CHD1L: variants seen among roughly 807,000 people sequenced by gnomAD.
CHD1L encodes the protein chromodomain helicase DNA binding protein 1 like, also known as ATP-dependent chromatin remodeler CHD1L.
Under a neutral mutation model 115.9 loss-of-function variants are expected in CHD1L, and 118 were observed. That is an observed-to-expected ratio of 1.02 (90% confidence interval 0.88 to 1.19). The LOEUF is 1.19. CHD1L is among the 50% of genes most tolerant of loss of function. The probability of loss-of-function intolerance (pLI) is 0.00; values close to 1 mark genes in which losing one functional copy is unlikely to be tolerated. For synonymous variants in CHD1L, 411 were observed against 387.1 expected (o/e 1.06, Z -0.72); for missense variants, 1,179 against 1,065.3 (o/e 1.11, Z -1.49).
At chr1:147,203,811 T>C in the CHD1L span, 1 of 1,551,108 alleles carries the variant, frequency 6.4e-7, no homozygotes. Context: ...CGAAGTACTA[T>C]GGTAGAAATG....
chr1:147,284,232 G>T, intron 15 of CHD1L, 119 bp from the exon 16 acceptor site: 3 of 760,394 alleles, frequency 3.9e-6, no homozygotes, highest in South Asian at 2.1e-5. Context: ...CCTTCATATG[G>T]ACTTAGCCCA....
intron 6 of CHD1L, chr1:147,260,264 T>C (rs923672599): frequency 5.9e-6 from 1 of 168,600 alleles, no homozygotes; most frequent in African/African-American, 2.4e-5. Flanking sequence ...TGTTATAGTA[T>C]CATACAGAGT....
chr1:147,260,774 A>T (rs1329316313), intron 6 of CHD1L: 2 of 152,156 alleles, frequency 1.3e-5, no homozygotes, highest in African/African-American at 4.8e-5. Flanking sequence ...AGCATAATAC[A>T]CTTGCTTTCA....
At chr1:147,186,687 G>A in the CHD1L span, 276 of 1,382,424 alleles carry the variant, frequency 2.0e-4, no homozygotes, top group Non-Finnish European at 2.4e-4. Flanking sequence ...TTACCACAAG[G>A]AAGAGTGACG....
upstream of CHD1L, among the ~76,000 whole-genome samples, chr1:147,239,078 T>C (rs1664683328): frequency 6.6e-6 from 1 of 152,200 alleles, no homozygotes; most frequent in African/African-American, 2.4e-5. Flanking sequence ...CCCACGTCTA[T>C]CAGTTTGTAA....
chr1:147,276,099 T>C lies in CHD1L; in HGVS notation c.1386-5T>C. 4 of 1,614,022 alleles carry C rather than the reference T, an allele frequency of 2.5e-6. No individual in the cohort carries two copies. Among genetic ancestry groups the C allele is most frequent in the Non-Finnish European group, 3.4e-6 (4 of 1,179,926 alleles). ...GCACACTACCCTTGTTTGACTTATG[T>C]CCAGGTCTGTTAAAGTTATTCGGCT... On this transcript the variant is annotated splice_region_variant and splice_polypyrimidine_tract_variant and intron_variant, in intron 13 of 22. Coordinates refer to ENST00000369258, the MANE Select transcript of CHD1L (RefSeq NM_004284.6).
chr1:147,285,823 A>C (rs1553965199), intron 17 of CHD1L, among the ~76,000 whole-genome samples: 1 of 152,006 alleles, frequency 6.6e-6, no homozygotes, highest in East Asian at 1.9e-4. Flanking sequence ...TAACCTCCCT[A>C]GTAGCTGGGA....
intron 4 of CHD1L, 97 bp from the exon 5 acceptor site, chr1:147,256,434 T>C: frequency 9.3e-7 from 1 of 1,079,348 alleles, no homozygotes; most frequent in Non-Finnish European, 1.4e-6. Context: ...GAGACTTAGA[T>C]AAATCCTATA....
In CHD1L at chr1:147,242,838, G is replaced by A. The variant is rs1559707836; in HGVS notation, c.127+8G>A. The A allele has an allele frequency of 1.6e-6, 2 of 1,274,230 alleles. No individual in the cohort carries two copies. The highest frequency in any genetic ancestry group is 2.0e-6 in the Non-Finnish European group (2 of 1,003,624). 78.9% of individuals were successfully genotyped at this position (1,274,230 alleles called of 1,614,324 possible). On this transcript the variant is annotated splice_region_variant and intron_variant, in intron 1 of 22. Coordinates refer to ENST00000369258, the MANE Select transcript of CHD1L (RefSeq NM_004284.6). ...GGCAGTGGGGGCTGACAGGTGAGCG[G>A]GCTCCGGGCGGACTTCGGCCAGGCG...
At chr1:147,242,598 C>G, upstream of CHD1L, 2 of 1,147,642 alleles carry the variant, frequency 1.7e-6, no homozygotes, top group Non-Finnish European at 1.1e-6. Flanking sequence ...CTGGCGGCGC[C>G]TCGCTCGTAG....
intron 12 of CHD1L, among the ~76,000 whole-genome samples, chr1:147,275,061 T>TA (rs1219616070): frequency 3.3e-5 from 5 of 152,194 alleles, no homozygotes; most frequent in African/African-American, 9.6e-5. Context: ...GCAGAAGAGA[T>TA]AAAGTGGCTC....
At chr1:147,234,678 G>A in the CHD1L span, among the ~76,000 whole-genome samples, 1 of 152,048 alleles carries the variant, frequency 6.6e-6, no homozygotes, top group Non-Finnish European at 1.5e-5. Flanking sequence ...TATATTTATG[G>A]AGTAATAGTG....
chr1:147,235,087 CTGTGTGTGTG>C, the CHD1L span, among the ~76,000 whole-genome samples: 2 of 146,176 alleles, frequency 1.4e-5, no homozygotes, highest in East Asian at 2.1e-4. Flanking sequence ...ATATCCCACA[CTGTGTGTGTG>C]TGTGTGTGTG....
chr1:147,215,486 T>C, the CHD1L span: 3 of 399,652 alleles, frequency 7.5e-6, no homozygotes, highest in African/African-American at 6.2e-5. Context: ...CATCTGTTTA[T>C]TGCAATCAAA....
At chr1:147,224,099 A>T in the CHD1L span, 1 of 369,538 alleles carries the variant, frequency 2.7e-6, no homozygotes, top group Non-Finnish European at 5.3e-6. Context: ...CCCTTACTGC[A>T]TTATCAAGGG....
the CHD1L span, among the ~76,000 whole-genome samples, chr1:147,193,130 A>T: frequency 1.3e-5 from 2 of 152,082 alleles, no homozygotes; most frequent in Non-Finnish European, 2.9e-5. Context: ...CTGTGAATCC[A>T]TCTGGTCCTG....
intron 20 of CHD1L, 119 bp downstream of exon 20, chr1:147,291,671 C>G (rs1685587014): frequency 2.7e-6 from 2 of 739,618 alleles, no homozygotes; most frequent in Non-Finnish European, 4.8e-6. Context: ...GCTGCCATAA[C>G]AAAAAGACAC....
the CHD1L span, chr1:147,178,957 A>C: frequency 3.7e-6 from 6 of 1,612,516 alleles, no homozygotes; most frequent in Non-Finnish European, 5.1e-6. Context: ...CTGGAGAAAC[A>C]GGGTAATGAT....
chr1:147,252,873 CA>C, intron 2 of CHD1L, 138 bp downstream of exon 2: 1 of 688,448 alleles, frequency 1.5e-6, no homozygotes, highest in Non-Finnish European at 2.5e-6. Flanking sequence ...CTGGCTCTTG[CA>C]CCGGGAAAGG....
Sources: allele counts gnomAD v4.1 joint callset (sites outside exome capture counted in the v4.1 genomes callset), GRCh38; gene constraint gnomAD v4.1.1; transcripts MANE v1.5; gene names NCBI Gene and HGNC (gene_info 2026-07-23, HGNC 2026-07-21).